Variants in RALYL observed in about 807,000 individuals in gnomAD.
RALYL encodes RNA-binding Raly-like protein.
RALYL carries 29 observed loss-of-function variants against 35.1 expected under a neutral mutation model. The ratio of observed to expected loss-of-function variants is 0.83; its 90% confidence interval spans 0.61 to 1.13. The LOEUF is 1.13. RALYL is among the 50% of genes most tolerant of loss of function. The pLI, the probability that RALYL is intolerant of heterozygous loss-of-function variation, is 0.00. For synonymous variants in RALYL, 120 were observed against 127.6 expected (o/e 0.94, Z 0.40); for missense variants, 359 against 360.4 (o/e 1.00, Z 0.03).
At chr8:84,723,271 T>C (rs1262439548) in intron 2 of RALYL, among the ~76,000 whole-genome samples, 1 of 152,066 alleles carries the variant, frequency 6.6e-6, no homozygotes, top group Non-Finnish European at 1.5e-5. Flanking sequence ...GTTCCAGCTT[T>C]ATCTAGTGAG....
chr8:84,840,964 GAAGCACTA>G (rs1482336333), intron 4 of RALYL, among the ~76,000 whole-genome samples: 5 of 152,126 alleles, frequency 3.3e-5, no homozygotes, highest in African/African-American at 7.2e-5. Context: ...GCTCCTGAAG[GAAGCACTA>G]AACATGGAAA....
chr8:84,275,737 A>G (rs972133892), intron 1 of RALYL, among the ~76,000 whole-genome samples: 1 of 152,076 alleles, frequency 6.6e-6, no homozygotes, highest in African/African-American at 2.4e-5. Flanking sequence ...ACTCGGTGAG[A>G]TCAACTCTAT....
chr8:84,905,056 C>T (rs1846263408), intron 8 of RALYL, among the ~76,000 whole-genome samples: 1 of 152,132 alleles, frequency 6.6e-6, no homozygotes, highest in Non-Finnish European at 1.5e-5. Context: ...ATTCATCTTG[C>T]TTAACTGAAA....
At chr8:84,553,965 T>C (rs534375622) in intron 2 of RALYL, among the ~76,000 whole-genome samples, 1 of 152,352 alleles carries the variant, frequency 6.6e-6, no homozygotes, top group South Asian at 2.1e-4. Context: ...TCAAATACTT[T>C]AGAATACAAA....
At chr8:84,606,121 C>G (rs568657595) in intron 2 of RALYL, among the ~76,000 whole-genome samples, 7 of 152,114 alleles carry the variant, frequency 4.6e-5, no homozygotes, top group Non-Finnish European at 1.0e-4. Context: ...TATATAATAA[C>G]TGTACTTCTT....
At chr8:84,729,761 C>T (rs540303085) in intron 2 of RALYL, among the ~76,000 whole-genome samples, 376 of 152,010 alleles carry the variant, frequency 2.5e-3, no homozygotes, top group Non-Finnish European at 3.5e-3. Flanking sequence ...AACACCTCTA[C>T]GCAAATAAAC....
chr8:84,740,073 G>A (rs1335043901), intron 2 of RALYL, among the ~76,000 whole-genome samples: 1 of 151,916 alleles, frequency 6.6e-6, no homozygotes, highest in African/African-American at 2.4e-5. Context: ...AAAGTCTGAT[G>A]AGATAAAGAA....
chr8:84,491,306 A>G (rs527778454), intron 1 of RALYL, among the ~76,000 whole-genome samples: 1 of 152,110 alleles, frequency 6.6e-6, no homozygotes, highest in Non-Finnish European at 1.5e-5. Context: ...CATTCAAAAT[A>G]TGGCTTATTT....
intron 2 of RALYL, among the ~76,000 whole-genome samples, chr8:84,661,150 G>C (rs188547087): frequency 3.3e-5 from 5 of 151,904 alleles, no homozygotes; most frequent in South Asian, 4.2e-4. Context: ...GGATGGTCTC[G>C]ATCTCCTGAC....
chr8:84,725,770 A>G (rs896386365), intron 2 of RALYL, among the ~76,000 whole-genome samples: 1 of 151,682 alleles, frequency 6.6e-6, no homozygotes, highest in East Asian at 1.9e-4. Context: ...AGATTCCTAT[A>G]TACTCTTTTC....
intron 2 of RALYL, among the ~76,000 whole-genome samples, chr8:84,563,170 C>T (rs1266487635): frequency 6.6e-6 from 1 of 151,742 alleles, no homozygotes; most frequent in Non-Finnish European, 1.5e-5. Context: ...CTAAGTCCTT[C>T]AGTGAAGGAC....
chr8:84,208,292 T>C (rs1818568163), intron 1 of RALYL, among the ~76,000 whole-genome samples: 1 of 152,206 alleles, frequency 6.6e-6, no homozygotes, highest in South Asian at 2.1e-4. Context: ...ATTGACAAAC[T>C]ACCATTTTTC....
At chr8:84,188,316 A>G (rs1381869218) in intron 1 of RALYL, among the ~76,000 whole-genome samples, 5 of 151,944 alleles carry the variant, frequency 3.3e-5, no homozygotes, top group Non-Finnish European at 1.5e-5. Flanking sequence ...TGCTATGAAA[A>G]CCTGAAGTAA....
intron 1 of RALYL, among the ~76,000 whole-genome samples, chr8:84,302,664 G>T (rs1331091475): frequency 6.6e-6 from 1 of 152,150 alleles, no homozygotes; most frequent in Non-Finnish European, 1.5e-5. Flanking sequence ...GTAGGCAGAG[G>T]AGTGAGATAA....
At chr8:84,427,740 C>G (rs747362877) in intron 1 of RALYL, among the ~76,000 whole-genome samples, 5 of 152,124 alleles carry the variant, frequency 3.3e-5, no homozygotes, top group Non-Finnish European at 7.3e-5. Flanking sequence ...CTTTAAGTAA[C>G]CTAGCCAGGT....
chr8:84,556,477 G>A (rs978120457), intron 2 of RALYL, among the ~76,000 whole-genome samples: 1 of 151,772 alleles, frequency 6.6e-6, no homozygotes, highest in African/African-American at 2.4e-5. Flanking sequence ...AGCTCCTATC[G>A]ACCATGAAGA....
At chr8:84,807,522 G>T (rs939649286) in intron 4 of RALYL, among the ~76,000 whole-genome samples, 1 of 152,114 alleles carries the variant, frequency 6.6e-6, no homozygotes, top group Non-Finnish European at 1.5e-5. Context: ...TTTCCTCTGG[G>T]TGGATACCCA....
intron 5 of RALYL, among the ~76,000 whole-genome samples, chr8:84,853,454 TA>T (rs1434584579): frequency 6.6e-6 from 1 of 152,232 alleles, no homozygotes; most frequent in East Asian, 1.9e-4. Context: ...GAGCTTTAAA[TA>T]GTCAAATTAT....
chr8:84,310,979 G>A lies in RALYL; in HGVS notation c.-24+126555G>A, dbSNP rs564767087. Among the ~76,000 whole-genome samples the A allele has an allele frequency of 8.7e-4, 118 of 136,066 alleles. 3 individuals carry two copies. In the South Asian group the frequency reaches 0.021, roughly 24 times the overall value. 89.3% of individuals were successfully genotyped at this position (136,066 alleles called of 152,430 possible). Reference sequence around the variant, plus strand: ...GGAGAATGGCGTGAACCCGGGAAGCGGAGCTTGCAGTGAGCCGAGATTGCG... The same window carrying A: ...GGAGAATGGCGTGAACCCGGGAAGCAGAGCTTGCAGTGAGCCGAGATTGCG... On this transcript the variant is annotated intron_variant, in intron 1 of 8. Coordinates refer to ENST00000521268, the MANE Select transcript of RALYL (RefSeq NM_173848.7).
Sources: allele counts gnomAD v4.1 joint callset (sites outside exome capture counted in the v4.1 genomes callset), GRCh38; gene constraint gnomAD v4.1.1; transcripts MANE v1.5; gene names NCBI Gene and HGNC (gene_info 2026-07-23, HGNC 2026-07-21).